The following PLEKHH1 variants were observed in gnomAD, a reference collection of about 807,000 sequenced individuals.
PLEKHH1 encodes pleckstrin homology domain-containing family H member 1.
In PLEKHH1, 104 loss-of-function variants were observed where a neutral mutation model predicts 160.0. The observed-to-expected ratio is 0.65, with a 90% CI of 0.55 to 0.76. PLEKHH1 has a LOEUF of 0.76. Among genes scored for constraint, PLEKHH1 ranks in the 30% least tolerant of loss-of-function variants. PLEKHH1 has a pLI of 0.00. For synonymous variants in PLEKHH1, 619 were observed against 678.4 expected (o/e 0.91, Z 1.36); for missense variants, 1,427 against 1,724.1 (o/e 0.83, Z 3.05).
intron 2 of PLEKHH1, among the ~76,000 whole-genome samples, 173 bp from the exon 3 acceptor site, chr14:67,555,652 G>T (rs2034562739): frequency 6.6e-6 from 1 of 152,168 alleles, no homozygotes; most frequent in Admixed American, 6.5e-5. Flanking sequence ...TCAGGATTAG[G>T]GAGCTGAGAG....
Position 67,574,593 on chromosome 14 carries a change from GA to G in PLEKHH1, c.2088+193del, listed in dbSNP as rs1364821729. On this transcript the variant is annotated intron_variant, in intron 14 of 28. Coordinates refer to ENST00000329153, the MANE Select transcript of PLEKHH1 (RefSeq NM_020715.3). This position sits in a 1 kb window ranked among gnomAD's most constrained non-coding sequence, Gnocchi z 4.2. The stretch of plus-strand genomic sequence containing the variant: ...CAAGGTGATGGCGAGTGATTCCCCG[GA>G]AACAAATCAGGGTTGTTGGAACAAC... Among the ~76,000 whole-genome samples, 2 of 152,214 alleles carry G rather than the reference GA, an allele frequency of 1.3e-5. No homozygotes were observed. Among genetic ancestry groups the G allele is most frequent in the Non-Finnish European group, 2.9e-5 (2 of 68,040 alleles).
chr14:67,583,768 G>GCCCTGCCAGGCCCTGGAGGCACATC lies in PLEKHH1; in HGVS notation c.3463_3487dup (p.Lys1163ArgfsTer27), dbSNP rs1334342734. The GCCCTGCCAGGCCCTGGAGGCACATC allele has an allele frequency of 1.2e-6, 2 of 1,611,528 alleles. No homozygotes were observed. Among genetic ancestry groups the GCCCTGCCAGGCCCTGGAGGCACATC allele is most frequent in the African/African-American group, 2.7e-5 (2 of 74,864 alleles). ...AGAATATGGGGACTTGGAGAAGCCT[G>GCCCTGCCAGGCCCTGGAGGCACATC]CCCTGCCAGGCCCTGGAGGCACATC... On this transcript the variant is annotated frameshift_variant, in exon 25 of 29. Coordinates refer to ENST00000329153, the MANE Select transcript of PLEKHH1 (RefSeq NM_020715.3). LOFTEE classifies it high-confidence loss of function.
At chr14:67,580,164 A>C in intron 22 of PLEKHH1, 1 of 318,870 alleles carries the variant, frequency 3.1e-6, no homozygotes, top group African/African-American at 2.1e-5. Context: ...GTGTAGGGAC[A>C]GTGAGGCCCC....
chr14:67,573,255 C>T lies in PLEKHH1; in HGVS notation c.1729-21C>T, dbSNP rs1459059107. 1.1e-5 allele frequency: 17 copies of T among 1,498,136 alleles called. No homozygotes were observed. Among genetic ancestry groups the T allele is most frequent in the Non-Finnish European group, 1.6e-5 (17 of 1,076,576 alleles). The allele number at this position is 1,498,136 out of a possible 1,614,324, so 92.8% of individuals were successfully genotyped here. On this transcript the variant is annotated intron_variant, in intron 11 of 28. Coordinates refer to ENST00000329153, the MANE Select transcript of PLEKHH1 (RefSeq NM_020715.3). This position sits in a 1 kb window ranked among gnomAD's most constrained non-coding sequence, Gnocchi z 4.8. ...CCTGAGTGATTTCCCCTTTCTTCAT[C>T]TACACCCTTCCACCCCTCAGGAGTC...
In PLEKHH1 at chr14:67,564,503, G is replaced by A. The variant is rs1003700787; in HGVS notation, c.1263+1609G>A. On this transcript the variant is annotated intron_variant, in intron 7 of 28. Transcript: ENST00000329153. ...GACAGGGTTTTACTCTGTCGCCCAG[G>A]CTGGAGTGCAGTGGCGCAATATTGG... Among the ~76,000 whole-genome samples, 5 of 152,162 alleles carry A rather than the reference G, an allele frequency of 3.3e-5. No individual in the cohort carries two copies. In the South Asian group the frequency reaches 8.3e-4, roughly 25 times the overall value.
In PLEKHH1 at chr14:67,574,334, G is replaced by C; in HGVS notation, c.2019G>C (p.Val673=). ...WIRVLQSLLK[V]QATGPPALLR... ...GAGTACTCCAGAGCCTGCTGAAGGT[G>C]CAGGCCACCGGGCCTCCAGCTCTGC... Residue 673 remains valine, a synonymous_variant, in exon 14 of 29, where the codon GTG becomes GTC. Transcript: ENST00000329153. This position sits in a 1 kb window ranked among gnomAD's most constrained non-coding sequence, Gnocchi z 4.2. 2 of 1,601,650 alleles carry C rather than the reference G, an allele frequency of 1.2e-6. No homozygotes were observed. Among genetic ancestry groups the C allele is most frequent in the Non-Finnish European group, 1.7e-6 (2 of 1,174,286 alleles).
chr14:67,582,053 A>G lies in PLEKHH1; in HGVS notation c.3285-16A>G, dbSNP rs751753974. ...AATCCCTGCTGAGTCCTGGTTTCTT[A>G]TTCTCTTCTTTGTAGGCTGTACTTT... On this transcript the variant is annotated splice_polypyrimidine_tract_variant and intron_variant, in intron 23 of 28. Transcript: ENST00000329153. This position sits in a 1 kb window ranked among gnomAD's most constrained non-coding sequence, Gnocchi z 5.0. 2 of 1,603,072 alleles carry G rather than the reference A, an allele frequency of 1.2e-6. No individual in the cohort carries two copies. Among genetic ancestry groups the G allele is most frequent in the South Asian group, 1.1e-5 (1 of 89,234 alleles).
chr14:67,537,675 G>GA (rs970139851), intron 1 of PLEKHH1, among the ~76,000 whole-genome samples: 4 of 151,514 alleles, frequency 2.6e-5, no homozygotes, highest in African/African-American at 4.8e-5. Flanking sequence ...AAAAGAAAAA[G>GA]AAAAAAAAGT....
At position 67,583,854 on chromosome 14, in the gene PLEKHH1, T is replaced by A; in HGVS notation, c.3540T>A (p.Tyr1180Ter). ...QVLDRFHPRR[Y>*]RHGAPAEQLR... ...TAGACAGGTTCCACCCCAGGCGCTA[T>A]AGACATGGGGCCCCCGCTGAACAGC... is the stretch of plus-strand genomic sequence containing the variant. Residue 1180 changes from tyrosine to a stop codon, truncating the protein, a stop_gained, in exon 25 of 29, where the codon TAT becomes TAA. Transcript: ENST00000329153. LOFTEE classifies it high-confidence loss of function. 6.2e-7 allele frequency: 1 copy of A among 1,613,698 alleles called. No individual in the cohort carries two copies. Among genetic ancestry groups the A allele is most frequent in the Non-Finnish European group, 8.5e-7 (1 of 1,179,734 alleles).
chr14:67,561,885 A>G, intron 5 of PLEKHH1, 69 bp from the exon 6 acceptor site: 4 of 1,185,146 alleles, frequency 3.4e-6, no homozygotes, highest in South Asian at 1.4e-5. Flanking sequence ...AAAAAAAAAA[A>G]AGAATTGAAA....
intron 22 of PLEKHH1, 70 bp from the exon 23 acceptor site, chr14:67,580,868 C>G: frequency 1.0e-6 from 1 of 998,980 alleles, no homozygotes; most frequent in Non-Finnish European, 1.6e-6. Flanking sequence ...TGAGTCCAGC[C>G]CTGGCTGGAC....
chr14:67,572,383 C>T (rs1421023906), intron 11 of PLEKHH1, 106 bp downstream of exon 11: 1 of 495,772 alleles, frequency 2.0e-6, no homozygotes, highest in Non-Finnish European at 3.1e-6. Flanking sequence ...TGAGGGGTCC[C>T]TAGAGCTGGG....
chr14:67,559,777 A>G (rs2034751860), intron 5 of PLEKHH1, 86 bp downstream of exon 5: 4 of 843,066 alleles, frequency 4.7e-6, no homozygotes, highest in Non-Finnish European at 8.0e-6. Context: ...CCTACTGTCT[A>G]GGGTGCCTCG....
rs7150973 is a variant in PLEKHH1 at position 67,557,303 on chromosome 14, A to G, written c.224A>G (p.Asn75Ser). The change falls in exon 4 of 29, where the codon AAT (asparagine) becomes AGT (serine). Residue 75 changes from asparagine to serine, a missense_variant. By Grantham distance (46) the Asn-to-Ser change is conservative. This residue lies in a region of PLEKHH1 where 831 missense variants were observed against 929.2 expected (regional missense o/e 0.89). Transcript: ENST00000329153. ...GVMEEKVKLSNLKNVDSEGSL... is the reference protein window; with the variant it reads ...GVMEEKVKLSSLKNVDSEGSL... Reference sequence around the variant, plus strand: ...ATGGAAGAGAAGGTAAAACTATCCAATCTGAAGAATGTGGACTCTGAGGGG... The same window carrying G: ...ATGGAAGAGAAGGTAAAACTATCCAGTCTGAAGAATGTGGACTCTGAGGGG... 6.0e-3 allele frequency: 9,682 copies of G among 1,613,666 alleles called. 171 individuals are homozygous for G. In the African/African-American group the frequency reaches 0.061, roughly 10 times the overall value.
chr14:67,586,308 GAACT>G, intron 28 of PLEKHH1: 1 of 1,216,392 alleles, frequency 8.2e-7, no homozygotes, highest in Non-Finnish European at 1.2e-6. Flanking sequence ...TATTTGGAGG[GAACT>G]AACTCTGGCC....
At chr14:67,580,196 G>A (rs17185050) in intron 22 of PLEKHH1, 14,846 of 248,682 alleles carry the variant, frequency 0.06, 667 homozygotes, top group Non-Finnish European at 0.09. Flanking sequence ...GCCTACACGT[G>A]CCCACTCAGA....
At chr14:67,546,152 A>G (rs1316671290) in intron 2 of PLEKHH1, among the ~76,000 whole-genome samples, 4 of 152,148 alleles carry the variant, frequency 2.6e-5, no homozygotes, top group Non-Finnish European at 4.4e-5. Flanking sequence ...ACTATATACA[A>G]ATGAGGTAAA....
intron 2 of PLEKHH1, among the ~76,000 whole-genome samples, chr14:67,552,542 C>T (rs555376533): frequency 1.3e-4 from 20 of 152,144 alleles, no homozygotes; most frequent in South Asian, 4.1e-4. Flanking sequence ...CCGAGGTGGG[C>T]GGATCACGAG....
At chr14:67,569,438 A>G (rs2140454202) in intron 8 of PLEKHH1, among the ~76,000 whole-genome samples, 1 of 152,386 alleles carries the variant, frequency 6.6e-6, no homozygotes, top group African/African-American at 2.4e-5. Context: ...AGCCAGTCAC[A>G]GAGCTGGAAG....
Sources: gnomAD v4.1 joint callset for allele counts (sites outside exome capture counted in the v4.1 genomes callset) on GRCh38, gnomAD v4.1.1 for gene constraint, gnomAD v4.1.1 regional missense constraint, Gnocchi (gnomAD v3.1) non-coding constraint, MANE v1.5 for transcripts, NCBI Gene and HGNC (gene_info 2026-07-23, HGNC 2026-07-21) for gene names.